CNTNAP2: variants seen among roughly 807,000 people sequenced by gnomAD.
The protein encoded by CNTNAP2 is contactin associated protein 2.
CNTNAP2 carries 98 observed loss-of-function variants against 155.2 expected under a neutral mutation model. That is an observed-to-expected ratio of 0.63 (90% CI 0.54 to 0.75). The LOEUF is 0.75. Among genes scored for constraint, CNTNAP2 ranks in the 30% least tolerant of loss-of-function variants. The probability of loss-of-function intolerance (pLI) is 0.00; values close to 1 mark genes in which losing one functional copy is unlikely to be tolerated. For synonymous variants in CNTNAP2, 651 were observed against 631.2 expected, an observed-to-expected ratio of 1.03 and a Z score of -0.47; for missense variants, 1,727 against 1,688.1, an observed-to-expected ratio of 1.02 and a Z score of -0.40.
intron 11 of CNTNAP2, among the ~76,000 whole-genome samples, chr7:147,554,617 C>T (rs1377312809): frequency 1.3e-5 from 2 of 152,072 alleles, no homozygotes; most frequent in African/African-American, 4.8e-5. Flanking sequence ...CTAATTTCCT[C>T]CCTCCCCTTG....
At chr7:148,245,835 G>A (rs1045872058) in intron 20 of CNTNAP2, among the ~76,000 whole-genome samples, 14 of 152,216 alleles carry the variant, frequency 9.2e-5, no homozygotes, top group East Asian at 1.9e-4. Context: ...GTACAGGGCC[G>A]GGTCACAAAA....
At chr7:148,065,894 C>G (rs1454142522) in intron 15 of CNTNAP2, among the ~76,000 whole-genome samples, 1 of 152,098 alleles carries the variant, frequency 6.6e-6, no homozygotes, top group African/African-American at 2.4e-5. Context: ...GAGATTTATG[C>G]TTTAAGGAGG....
intron 1 of CNTNAP2, among the ~76,000 whole-genome samples, chr7:146,576,541 C>T (rs920367263): frequency 3.3e-5 from 5 of 152,132 alleles, no homozygotes; most frequent in African/African-American, 4.8e-5. Flanking sequence ...TCTCTAAAAA[C>T]GCTGGAGTTC....
intron 18 of CNTNAP2, among the ~76,000 whole-genome samples, chr7:148,173,952 G>C (rs769735732): frequency 6.6e-6 from 1 of 152,130 alleles, no homozygotes; most frequent in African/African-American, 2.4e-5. Context: ...AGTAGCTCAC[G>C]CAAAACCTCT....
At chr7:147,117,410 A>C (rs1479428454) in intron 5 of CNTNAP2, among the ~76,000 whole-genome samples, 3 of 152,148 alleles carry the variant, frequency 2.0e-5, no homozygotes, top group Non-Finnish European at 4.4e-5. Flanking sequence ...CCTTGGCTCC[A>C]CGTCGCTCCT....
chr7:148,007,898 A>G (rs1802007913), intron 15 of CNTNAP2, among the ~76,000 whole-genome samples: 1 of 152,216 alleles, frequency 6.6e-6, no homozygotes, highest in South Asian at 2.1e-4. Flanking sequence ...TGAGAGGCAG[A>G]ATAATGTCCG....
chr7:146,136,556 G>A (rs550488180), intron 1 of CNTNAP2, among the ~76,000 whole-genome samples: 42 of 152,234 alleles, frequency 2.8e-4, no homozygotes, highest in Non-Finnish European at 4.6e-4. Flanking sequence ...GTGTGGCGTG[G>A]AGGGGCACCA....
intron 1 of CNTNAP2, among the ~76,000 whole-genome samples, chr7:146,257,005 A>T (rs1799849513): frequency 6.6e-6 from 1 of 152,202 alleles, no homozygotes; most frequent in African/African-American, 2.4e-5. Flanking sequence ...TTCAAAGCAT[A>T]CATTTGGTTT....
chr7:147,629,412 TA>T (rs1382267290), intron 12 of CNTNAP2, among the ~76,000 whole-genome samples: 1 of 42,692 alleles, frequency 2.3e-5, no homozygotes, highest in Non-Finnish European at 5.7e-5. Flanking sequence ...TCAAAAATAA[TA>T]ATAATAATAA....
At chr7:146,610,912 T>C (rs552364884) in intron 1 of CNTNAP2, among the ~76,000 whole-genome samples, 8 of 152,282 alleles carry the variant, frequency 5.3e-5, no homozygotes, top group African/African-American at 1.9e-4. Flanking sequence ...GTCTCTTATA[T>C]GCTTAAGAAG....
intron 8 of CNTNAP2, among the ~76,000 whole-genome samples, chr7:147,145,393 T>C (rs1206699979): frequency 6.6e-6 from 1 of 152,080 alleles, no homozygotes; most frequent in East Asian, 1.9e-4. Context: ...AAAATCCTAC[T>C]GAATATCCTG....
chr7:146,617,017 T>TTTTG lies in CNTNAP2; in HGVS notation c.98-157238_98-157235dup, dbSNP rs60769170. Among the ~76,000 whole-genome samples the TTTTG allele has an allele frequency of 1.3e-3, 196 of 151,382 alleles. 2 individuals are homozygous for TTTTG. The highest frequency in any genetic ancestry group is 3.7e-3 in the African/African-American group (151 of 41,248). On this transcript the variant is annotated intron_variant, in intron 1 of 23. Coordinates refer to ENST00000361727, the MANE Select transcript of CNTNAP2 (RefSeq NM_014141.6). ...GTGTGTATTCCAGGAAACCTGGTTT[T>TTTTG]TTTGTTTGTTTGTTTGTTTTGAGAC...
rs146426314 is a variant in CNTNAP2 at position 147,805,094 on chromosome 7, G to A, written c.2099-98471G>A. Among the ~76,000 whole-genome samples the A allele has an allele frequency of 2.9e-4, 44 of 149,324 alleles. 2 individuals are homozygous for A. In the East Asian group the frequency reaches 7.8e-3, roughly 27 times the overall value. On this transcript the variant is annotated intron_variant, in intron 13 of 23. Transcript: ENST00000361727. The stretch of plus-strand genomic sequence containing the variant: ...AATATCATTTTTTTTTTTTTGAGAC[G>A]GAGCCTGAGTTTTGTTGCCCAGGCT...
intron 1 of CNTNAP2, among the ~76,000 whole-genome samples, chr7:146,356,368 A>G (rs1388581165): frequency 1.3e-5 from 2 of 152,058 alleles, no homozygotes; most frequent in Non-Finnish European, 2.9e-5. Context: ...TCCCCATTTC[A>G]TATCCTTATT....
At chr7:147,337,919 G>A (rs826801) in intron 9 of CNTNAP2, among the ~76,000 whole-genome samples, 119,750 of 152,084 alleles carry the variant, frequency 0.79, 47,733 homozygotes, top group African/African-American at 0.92. Context: ...TTTTAAATCT[G>A]CATGTCAAGA....
At chr7:147,993,945 C>T (rs751413008) in intron 15 of CNTNAP2, among the ~76,000 whole-genome samples, 11 of 152,074 alleles carry the variant, frequency 7.2e-5, no homozygotes, top group South Asian at 2.1e-4. Flanking sequence ...CACTTACTTT[C>T]GGAATAAAGT....
intron 3 of CNTNAP2, among the ~76,000 whole-genome samples, chr7:147,002,944 CAAAAAAAAAAAAAAA>C (rs773401142): frequency 5.7e-5 from 3 of 52,940 alleles, no homozygotes; most frequent in African/African-American, 2.0e-4. Context: ...ATGTTCCTTC[CAAAAAAAAAAAAAAA>C]AAAAAAAAGA....
chr7:148,118,381 C>A, intron 16 of CNTNAP2, 93 bp downstream of exon 16: 2 of 1,370,662 alleles, frequency 1.5e-6, no homozygotes, highest in Admixed American at 1.8e-5. Flanking sequence ...TTGATTCAAA[C>A]GTGGAAGGTT....
At chr7:146,640,163 T>A in intron 1 of CNTNAP2, among the ~76,000 whole-genome samples, 1 of 152,266 alleles carries the variant, frequency 6.6e-6, no homozygotes. Context: ...AACATTTTTA[T>A]GTGAAAAATG....
Sources: allele counts gnomAD v4.1 joint callset (sites outside exome capture counted in the v4.1 genomes callset), GRCh38; gene constraint gnomAD v4.1.1; transcripts MANE v1.5; gene names NCBI Gene and HGNC (gene_info 2026-07-23, HGNC 2026-07-21).